LHFPL6: variants seen among roughly 807,000 people sequenced by gnomAD.
The protein encoded by LHFPL6 is LHFPL tetraspan subfamily member 6, also known as LHFPL tetraspan subfamily member 6 protein.
Under a neutral mutation model 20.6 loss-of-function variants are expected in LHFPL6, and 9 were observed. The ratio of observed to expected loss-of-function variants is 0.44; its 90% confidence interval spans 0.26 to 0.76. The LOEUF (loss-of-function observed/expected upper bound fraction) is 0.76, where lower values mean the gene tolerates loss of function less well. Among genes scored for constraint, LHFPL6 ranks in the 30% least tolerant of loss-of-function variants. LHFPL6 has a pLI of 0.20. For synonymous variants in LHFPL6, 105 were observed against 98.7 expected, an observed-to-expected ratio of 1.06 and a Z score of -0.38; for missense variants, 218 against 253.5, an observed-to-expected ratio of 0.86 and a Z score of 0.95.
chr13:39,528,067 A>G (rs1870350275), intron 2 of LHFPL6, among the ~76,000 whole-genome samples: 1 of 152,186 alleles, frequency 6.6e-6, no homozygotes, highest in Non-Finnish European at 1.5e-5. Flanking sequence ...TCCGCTTCAT[A>G]TGACCCTCAC....
chr13:39,595,083 G>A (rs1050495239), intron 2 of LHFPL6, among the ~76,000 whole-genome samples: 21 of 151,986 alleles, frequency 1.4e-4, no homozygotes, highest in Non-Finnish European at 2.2e-4. Context: ...AAACCTGCAC[G>A]TTGTGCACAT....
chr13:39,595,838 G>T (rs1055173317), intron 2 of LHFPL6, among the ~76,000 whole-genome samples: 4 of 152,176 alleles, frequency 2.6e-5, no homozygotes, highest in African/African-American at 9.7e-5. Context: ...CTACCTTGCA[G>T]GAGAAATTCA....
chr13:39,509,617 A>G (rs1869617011), intron 2 of LHFPL6, among the ~76,000 whole-genome samples: 1 of 152,006 alleles, frequency 6.6e-6, no homozygotes, highest in Non-Finnish European at 1.5e-5. Context: ...AGTATTATCA[A>G]TGCTTTTTCT....
chr13:39,368,362 T>A (rs550960829), intron 3 of LHFPL6, among the ~76,000 whole-genome samples: 72 of 151,106 alleles, frequency 4.8e-4, no homozygotes, highest in African/African-American at 1.7e-3. Flanking sequence ...GGCGGGCAGA[T>A]AACGAGGTCA....
intron 2 of LHFPL6, among the ~76,000 whole-genome samples, chr13:39,580,731 T>G (rs1334630416): frequency 6.6e-6 from 1 of 152,206 alleles, no homozygotes; most frequent in Admixed American, 6.5e-5. Context: ...GTTTTTAAAC[T>G]TCACAAAAAT....
At chr13:39,362,253 G>A (rs372077905) in intron 3 of LHFPL6, among the ~76,000 whole-genome samples, 12 of 152,250 alleles carry the variant, frequency 7.9e-5, no homozygotes, top group African/African-American at 2.9e-4. Context: ...AGATCTGGTT[G>A]TTTAAAAGTG....
At chr13:39,454,182 A>AAT (rs1277480442) in intron 2 of LHFPL6, among the ~76,000 whole-genome samples, 1 of 152,362 alleles carries the variant, frequency 6.6e-6, no homozygotes, top group East Asian at 1.9e-4. Context: ...GTCTCATTAT[A>AAT]AAGTATTCTA....
rs191740776 is a variant in LHFPL6 at position 39,408,659 on chromosome 13, G to A, written c.386-30133C>T. Among the ~76,000 whole-genome samples the A allele has an allele frequency of 2.9e-3, 443 of 152,232 alleles. 5 individuals are homozygous for A. Among genetic ancestry groups the A allele is most frequent in the Middle Eastern group, 6.8e-3 (2 of 294 alleles). On this transcript the variant is annotated intron_variant, in intron 2 of 3. Transcript: ENST00000379589. ...CCTTATTGTTGAACTGCTATGGCTT[G>A]AGCCTTTGAAAATAAAAGTCAGGTT...
rs903258507 is a variant in LHFPL6 at position 39,526,158 on chromosome 13, A to G, written c.385+74674T>C. On this transcript the variant is annotated intron_variant, in intron 2 of 3. Transcript: ENST00000379589. ...ATCTTGTTCAATAGACAGTAACCCT[A>G]TATTGACTGATGTAAGCCCCAGGAA... Among the ~76,000 whole-genome samples the G allele has an allele frequency of 2.0e-5, 3 of 152,234 alleles. No individual in the cohort carries two copies. In the East Asian group the frequency reaches 5.8e-4, roughly 29 times the overall value.
At chr13:39,584,203 A>G (rs1275779637) in intron 2 of LHFPL6, among the ~76,000 whole-genome samples, 1 of 152,236 alleles carries the variant, frequency 6.6e-6, no homozygotes, top group Non-Finnish European at 1.5e-5. Flanking sequence ...GGCCTAGAGC[A>G]GAGCCTGACA....
chr13:39,593,925 G>T (rs1872689286), intron 2 of LHFPL6, among the ~76,000 whole-genome samples: 1 of 152,182 alleles, frequency 6.6e-6, no homozygotes, highest in South Asian at 2.1e-4. Flanking sequence ...GTAAAAAGCT[G>T]AAACTGGATC....
At chr13:39,589,103 T>C (rs1872532943) in intron 2 of LHFPL6, among the ~76,000 whole-genome samples, 1 of 152,136 alleles carries the variant, frequency 6.6e-6, no homozygotes, top group South Asian at 2.1e-4. Context: ...TGGAATGACA[T>C]CTACCAGATA....
In LHFPL6 at chr13:39,397,928, T is replaced by G. The variant is rs74044048; in HGVS notation, c.386-19402A>C. On this transcript the variant is annotated intron_variant, in intron 2 of 3. Transcript: ENST00000379589. ...ACTTTGTGTGTGTGTGTGTGTGTGT[T>G]TGTGTGCATTTGTGTAGAGAGAGAC... is the stretch of plus-strand genomic sequence containing the variant. Among the ~76,000 whole-genome samples the G allele has an allele frequency of 4.0e-5, 6 of 148,488 alleles. No individual in the cohort carries two copies. In the East Asian group the frequency reaches 6.0e-4, roughly 15 times the overall value.
At chr13:39,429,365 A>G (rs1871728402) in intron 2 of LHFPL6, among the ~76,000 whole-genome samples, 1 of 152,166 alleles carries the variant, frequency 6.6e-6, no homozygotes, top group Non-Finnish European at 1.5e-5. Context: ...TGACCCATCT[A>G]TCTTTACAAA....
At chr13:39,382,021 T>C (rs1870450818) in intron 2 of LHFPL6, among the ~76,000 whole-genome samples, 2 of 152,144 alleles carry the variant, frequency 1.3e-5, no homozygotes, top group Non-Finnish European at 2.9e-5. Context: ...ACTCCTAAAT[T>C]AGGTTTTCTA....
intron 2 of LHFPL6, among the ~76,000 whole-genome samples, chr13:39,499,575 A>C (rs1869223606): frequency 6.6e-6 from 1 of 152,160 alleles, no homozygotes; most frequent in South Asian, 2.1e-4. Context: ...CCACCCTTTC[A>C]GGAGAGACGT....
chr13:39,527,731 G>A (rs1441340745), intron 2 of LHFPL6, among the ~76,000 whole-genome samples: 1 of 151,966 alleles, frequency 6.6e-6, no homozygotes, highest in African/African-American at 2.4e-5. Flanking sequence ...AGCTTTTACA[G>A]TTGTTTTTAA....
At chr13:39,542,397 T>C (rs1870837505) in intron 2 of LHFPL6, among the ~76,000 whole-genome samples, 1 of 152,196 alleles carries the variant, frequency 6.6e-6, no homozygotes, top group Admixed American at 6.5e-5. Flanking sequence ...GGTAGCACAA[T>C]GCCAGCTTCA....
intron 3 of LHFPL6, among the ~76,000 whole-genome samples, chr13:39,347,512 C>T (rs983711865): frequency 7.9e-5 from 12 of 152,290 alleles, no homozygotes; most frequent in Admixed American, 2.0e-4. Flanking sequence ...TATGTATTTC[C>T]GGCCTCATCT....
Sources: allele counts gnomAD v4.1 joint callset (sites outside exome capture counted in the v4.1 genomes callset), GRCh38; gene constraint gnomAD v4.1.1; transcripts MANE v1.5; gene names NCBI Gene and HGNC (gene_info 2026-07-23, HGNC 2026-07-21).